Variants in RAD50 observed in about 807,000 individuals in gnomAD.
RAD50 encodes the protein DNA repair protein RAD50.
In RAD50, 132 loss-of-function variants were observed where a neutral mutation model predicts 168.8. The ratio of observed to expected loss-of-function variants is 0.78; its 90% CI spans 0.68 to 0.90. The LOEUF is 0.90. RAD50 is among the 40% of genes least tolerant of loss of function. The pLI is 0.00. For missense variants in RAD50, 1,347 were observed against 1,534.4 expected (o/e 0.88, Z 2.04); for synonymous variants, 525 against 497.4 (o/e 1.06, Z -0.74).
chr5:132,590,402 A>G (rs1750677205), intron 9 of RAD50, among the ~76,000 whole-genome samples: 1 of 152,202 alleles, frequency 6.6e-6, no homozygotes, highest in Non-Finnish European at 1.5e-5. Flanking sequence ...CCTGGGAGGC[A>G]GAGGTTGCAG....
chr5:132,604,482 A>T (rs1750945996), intron 15 of RAD50, among the ~76,000 whole-genome samples: 1 of 151,904 alleles, frequency 6.6e-6, no homozygotes, highest in Non-Finnish European at 1.5e-5. Context: ...TGTCAGGCTG[A>T]TCTCGAACTC....
intron 11 of RAD50, chr5:132,593,014 T>A (rs1166415154): frequency 2.6e-6 from 1 of 387,672 alleles, no homozygotes; most frequent in Admixed American, 2.8e-5. Flanking sequence ...TTGATCTTCT[T>A]CAGTTAGGGC....
intron 19 of RAD50, among the ~76,000 whole-genome samples, chr5:132,610,078 A>G (rs1171090709): frequency 6.6e-6 from 1 of 151,486 alleles, no homozygotes; most frequent in Non-Finnish European, 1.5e-5. Flanking sequence ...GGGTCGTATC[A>G]TGTTATTCTG....
At chr5:132,633,980 A>G (rs557477781) in intron 21 of RAD50, among the ~76,000 whole-genome samples, 35 of 152,246 alleles carry the variant, frequency 2.3e-4, no homozygotes, top group African/African-American at 8.4e-4. Flanking sequence ...CTAACGTTCT[A>G]TATGCATTTG....
At position 132,557,212 on chromosome 5, in the gene RAD50, A is replaced by T. The variant is rs1561626773; in HGVS notation, c.-113A>T. 5 of 1,451,744 alleles carry T rather than the reference A, an allele frequency of 3.4e-6. No individual in the cohort carries two copies. The East Asian group carries it at 9.1e-5, about 26-fold the overall frequency. The allele number at this position is 1,451,744 out of a possible 1,614,324, so 89.9% of individuals were successfully genotyped here. On this transcript the variant is annotated 5_prime_UTR_variant, in exon 1 of 25. Coordinates refer to ENST00000378823, the MANE Select transcript of RAD50 (RefSeq NM_005732.4). ...TCCTGTGGCCTCGCTCCCCGCCCGG[A>T]TCCTCCTGACCCTGAGATTCGCGGG... is the stretch of plus-strand genomic sequence containing the variant.
At chr5:132,586,549 T>C (rs1383809326) in intron 5 of RAD50, among the ~76,000 whole-genome samples, 1 of 152,234 alleles carries the variant, frequency 6.6e-6, no homozygotes, top group African/African-American at 2.4e-5. Context: ...GTTTTTAGGT[T>C]CATTTGTATA....
Position 132,579,819 on chromosome 5 carries a change from T to G in RAD50, c.552-43T>G, listed in dbSNP as rs965365815. 4.0e-6 allele frequency: 6 copies of G among 1,493,946 alleles called. No homozygotes were observed. In the African/African-American group the frequency reaches 8.3e-5, roughly 21 times the overall value. The allele number at this position is 1,493,946 out of a possible 1,614,324, so 92.5% of individuals were successfully genotyped here. A position where few individuals can be genotyped will look rare whatever the true frequency, so the allele number is the denominator to read the frequency against. Reference sequence around the variant, plus strand: ...CCCACTGTATGAATATATACCATAATTTACTTTGCCAGAAATTTGATTTTT... The same window carrying G: ...CCCACTGTATGAATATATACCATAAGTTACTTTGCCAGAAATTTGATTTTT... On this transcript the variant is annotated intron_variant, in intron 4 of 24. Coordinates refer to ENST00000378823, the MANE Select transcript of RAD50 (RefSeq NM_005732.4).
At chr5:132,609,235 TTTGA>T in intron 18 of RAD50, 26 bp downstream of exon 18, 1 of 1,605,976 alleles carries the variant, frequency 6.2e-7, no homozygotes, top group Non-Finnish European at 8.5e-7. Context: ...AAATTATTTA[TTTGA>T]TTGTATTTTT....
rs1750464061 is a variant in RAD50, at chr5:132,579,436, C to G, written c.485C>G (p.Ser162Cys). 6.2e-7 allele frequency: 1 copy of G among 1,613,770 alleles called. No individual in the cohort carries two copies. Among genetic ancestry groups the G allele is most frequent in the African/African-American group, 1.3e-5 (1 of 74,888 alleles). ...GTCATTTTCTGTCATCAAGAAGATT[C>G]TAATTGGCCTTTAAGTGAAGGAAAG... ...NNVIFCHQED[S>C]NWPLSEGKAL... The change falls in exon 4 of 25, where the codon TCT becomes TGT. Residue 162 changes from serine to cysteine, a missense_variant. Transcript: ENST00000378823.
intron 3 of RAD50, among the ~76,000 whole-genome samples, chr5:132,576,839 A>G (rs529228848): frequency 6.6e-6 from 1 of 151,834 alleles, no homozygotes; most frequent in Admixed American, 6.6e-5. Flanking sequence ...TGCTGCTGCT[A>G]TACAAAGTAG....
At chr5:132,566,875 G>T (rs1750218736) in intron 2 of RAD50, among the ~76,000 whole-genome samples, 1 of 152,182 alleles carries the variant, frequency 6.6e-6, no homozygotes, top group African/African-American at 2.4e-5. Flanking sequence ...TACCCAGATT[G>T]GTAGAAGTTT....
intron 12 of RAD50, 21 bp downstream of exon 12, chr5:132,595,065 T>G: frequency 6.3e-7 from 1 of 1,592,462 alleles, no homozygotes; most frequent in East Asian, 2.2e-5. Flanking sequence ...TACTTTATAT[T>G]ATCAGGATAC....
intron 2 of RAD50, among the ~76,000 whole-genome samples, chr5:132,565,321 A>G (rs142585783): frequency 8.8e-4 from 134 of 152,126 alleles, no homozygotes; most frequent in African/African-American, 3.1e-3. Flanking sequence ...GCAAGAATGT[A>G]CTTATACAAC....
In RAD50 at chr5:132,583,861, T is replaced by A. The variant is rs557392222; in HGVS notation, c.757-3701T>A. Reference sequence around the variant, plus strand: ...GGCATGTGCCACCATACCCAGCTAATTTTTTTTGTATTTTTAGTAGAGACG... The same window carrying A: ...GGCATGTGCCACCATACCCAGCTAAATTTTTTTGTATTTTTAGTAGAGACG... On this transcript the variant is annotated intron_variant, in intron 5 of 24. Coordinates refer to ENST00000378823, the MANE Select transcript of RAD50 (RefSeq NM_005732.4). 8.4e-4 allele frequency among the ~76,000 whole-genome samples: 128 copies of A among 151,626 alleles called. 2 individuals are homozygous for A. In the South Asian group the frequency reaches 0.027, roughly 31 times the overall value.
Position 132,582,750 on chromosome 5 carries a change from T to A in RAD50, c.756+2684T>A, listed in dbSNP as rs80030190. On this transcript the variant is annotated intron_variant, in intron 5 of 24. Transcript: ENST00000378823. ...GATAGCCCAGCTGCTCTATTTTTTT[T>A]ATCTCATTTCACACTGGCACCTAAG... Among the ~76,000 whole-genome samples, 16 of 152,320 alleles carry A rather than the reference T, an allele frequency of 1.1e-4. No homozygotes were observed. In the East Asian group the frequency reaches 2.5e-3, roughly 24 times the overall value.
chr5:132,624,871 CAAA>C (rs10671829), intron 21 of RAD50, among the ~76,000 whole-genome samples: 7 of 57,346 alleles, frequency 1.2e-4, no homozygotes, highest in Middle Eastern at 9.4e-3. Flanking sequence ...GACCCTGTCT[CAAA>C]AAAAAAAAAA....
At chr5:132,612,668 C>T (rs763316833) in intron 19 of RAD50, among the ~76,000 whole-genome samples, 1 of 151,932 alleles carries the variant, frequency 6.6e-6, no homozygotes, top group Non-Finnish European at 1.5e-5. Context: ...AACCCCATCT[C>T]TACAAAAAAA....
chr5:132,611,903 G>A (rs993671103), intron 19 of RAD50, among the ~76,000 whole-genome samples: 17 of 152,192 alleles, frequency 1.1e-4, no homozygotes, highest in African/African-American at 3.6e-4. Flanking sequence ...TCCTTGATAC[G>A]AGGTTCTGTA....
intron 1 of RAD50, among the ~76,000 whole-genome samples, 158 bp from the exon 2 acceptor site, chr5:132,559,126 A>G (rs964195338): frequency 6.6e-6 from 1 of 152,224 alleles, no homozygotes; most frequent in African/African-American, 2.4e-5. Flanking sequence ...AACTTACAGC[A>G]TTAACACTTA....
Sources: allele counts gnomAD v4.1 joint callset (sites outside exome capture counted in the v4.1 genomes callset), GRCh38; gene constraint gnomAD v4.1.1; transcripts MANE v1.5; gene names NCBI Gene and HGNC (gene_info 2026-07-23, HGNC 2026-07-21).